SLC22A3: variants seen among roughly 807,000 people sequenced by gnomAD.
The protein encoded by SLC22A3 is EMT organic cation transporter 3.
In SLC22A3, 51 loss-of-function variants were observed where a neutral mutation model predicts 59.1. The observed-to-expected ratio is 0.86, with a 90% CI of 0.69 to 1.09. SLC22A3 has a LOEUF of 1.09. SLC22A3 is among the 50% of genes least tolerant of loss of function. The pLI is 0.00. For missense variants in SLC22A3, 711 were observed against 726.3 expected, an observed-to-expected ratio of 0.98 and a Z score of 0.24; for synonymous variants, 325 against 292.0, an observed-to-expected ratio of 1.11 and a Z score of -1.15.
intron 1 of SLC22A3, among the ~76,000 whole-genome samples, chr6:160,380,721 GT>G (rs1268913636): frequency 2.0e-5 from 3 of 152,112 alleles, no homozygotes; most frequent in African/African-American, 7.2e-5. Flanking sequence ...AAAATTATTT[GT>G]TTTTTAATCA....
At chr6:160,426,005 G>A (rs552787576) in intron 5 of SLC22A3, 341 of 985,370 alleles carry the variant, frequency 3.5e-4, no homozygotes, top group Non-Finnish European at 3.9e-4. Context: ...GCCTTAAGCC[G>A]CACAAAGGAC....
chr6:160,432,548 C>G (rs1260496380), intron 5 of SLC22A3, among the ~76,000 whole-genome samples: 1 of 150,268 alleles, frequency 6.7e-6, no homozygotes, highest in East Asian at 1.9e-4. Context: ...CTGCCTCAGC[C>G]TCCCGAGTAG....
At chr6:160,407,847 A>T (rs974571348) in intron 3 of SLC22A3, among the ~76,000 whole-genome samples, 1 of 152,108 alleles carries the variant, frequency 6.6e-6, no homozygotes, top group Non-Finnish European at 1.5e-5. Context: ...GTAGTGGTGG[A>T]TTTCTGACCA....
chr6:160,356,501 G>A (rs181111206), intron 1 of SLC22A3, among the ~76,000 whole-genome samples: 1 of 152,320 alleles, frequency 6.6e-6, no homozygotes, highest in East Asian at 1.9e-4. Flanking sequence ...AGTAGTCTGT[G>A]TCATCAATCG....
chr6:160,450,217 G>A (rs1788898408), intron 10 of SLC22A3, among the ~76,000 whole-genome samples: 1 of 152,152 alleles, frequency 6.6e-6, no homozygotes, highest in Non-Finnish European at 1.5e-5. Context: ...CTCTCCCAGT[G>A]CGACTGTTTA....
chr6:160,439,658 A>G (rs1392142824), intron 7 of SLC22A3, among the ~76,000 whole-genome samples: 2 of 152,254 alleles, frequency 1.3e-5, no homozygotes, highest in Non-Finnish European at 2.9e-5. Context: ...TTTATTTTAT[A>G]GATATAATTT....
At position 160,408,701 on chromosome 6, in the gene SLC22A3, T is replaced by C. The variant is rs202168711; in HGVS notation, c.689-52T>C. The C allele has an allele frequency of 2.1e-5, 33 of 1,574,064 alleles. No individual in the cohort carries two copies. In the East Asian group the frequency reaches 7.0e-4, roughly 33 times the overall value. ...TAACATCTCTGTATTTGTTTGTTTA[T>C]TTTGGAGCTGACCTTGTGCTTCTGT... On this transcript the variant is annotated intron_variant, in intron 3 of 10. Transcript: ENST00000275300.
chr6:160,443,016 T>C, intron 8 of SLC22A3, 147 bp downstream of exon 8: 1 of 703,056 alleles, frequency 1.4e-6, no homozygotes, highest in East Asian at 2.7e-5. Flanking sequence ...AGATATGCTT[T>C]GAGTTATCAC....
rs549545028 is a variant in SLC22A3, at chr6:160,392,974, G to T, written c.430-5005G>T. On this transcript the variant is annotated intron_variant, in intron 1 of 10. Transcript: ENST00000275300. ...TCAAGCTAAGAGCTGATTAGGAAAGGTTCCATTGACAACTCATCCCTAGAA... is the reference window on the plus strand; with the variant it reads ...TCAAGCTAAGAGCTGATTAGGAAAGTTTCCATTGACAACTCATCCCTAGAA... Among the ~76,000 whole-genome samples the T allele has an allele frequency of 1.6e-4, 25 of 151,976 alleles. No homozygotes were observed. The South Asian group carries it at 4.8e-3, about 29-fold the overall frequency.
intron 1 of SLC22A3, among the ~76,000 whole-genome samples, chr6:160,382,716 G>T (rs111984902): frequency 0.011 from 1,652 of 152,168 alleles, 39 homozygotes; most frequent in African/African-American, 0.037. Context: ...CTCTAAATAG[G>T]CCTCCATGTT....
chr6:160,369,179 G>A (rs987936123), intron 1 of SLC22A3, among the ~76,000 whole-genome samples: 11 of 152,124 alleles, frequency 7.2e-5, no homozygotes. Flanking sequence ...TATTTTTTCA[G>A]TAATGCTCCA....
At chr6:160,417,223 A>G (rs1026998602) in intron 5 of SLC22A3, among the ~76,000 whole-genome samples, 1 of 152,172 alleles carries the variant, frequency 6.6e-6, no homozygotes, top group African/African-American at 2.4e-5. Flanking sequence ...AAGCTTTGAG[A>G]GGCATCATGA....
intron 1 of SLC22A3, among the ~76,000 whole-genome samples, chr6:160,373,995 C>T (rs898978499): frequency 2.6e-5 from 4 of 152,200 alleles, no homozygotes; most frequent in Admixed American, 6.5e-5. Context: ...CTGGCTTCAG[C>T]CCCCTTTCCA....
In SLC22A3 at chr6:160,452,455, C is replaced by G. The variant is rs908419909; in HGVS notation, c.*1399C>G. Reference sequence around the variant, plus strand: ...TGAGACTACATTCACCCTTTATTCACAGTCACTTGCAGTTTTGCTTTTCTC... The same window carrying G: ...TGAGACTACATTCACCCTTTATTCAGAGTCACTTGCAGTTTTGCTTTTCTC... On this transcript the variant is annotated 3_prime_UTR_variant, in exon 11 of 11. Transcript: ENST00000275300. 1 of 152,214 alleles carries G rather than the reference C, an allele frequency of 6.6e-6. No individual in the cohort carries two copies. Among genetic ancestry groups the G allele is most frequent in the African/African-American group, 2.4e-5 (1 of 41,472 alleles). The allele number at this position is 152,214 out of a possible 1,614,324, so 9.4% of individuals were successfully genotyped here.
intron 5 of SLC22A3, among the ~76,000 whole-genome samples, chr6:160,413,679 C>G (rs186594716): frequency 1.0e-3 from 152 of 152,362 alleles, no homozygotes; most frequent in Non-Finnish European, 1.8e-3. Flanking sequence ...CAAGTAATCA[C>G]ACCTTTGATC....
intron 5 of SLC22A3, among the ~76,000 whole-genome samples, chr6:160,421,301 C>A (rs966026763): frequency 1.3e-5 from 2 of 152,204 alleles, no homozygotes; most frequent in Non-Finnish European, 2.9e-5. Context: ...GAGCCAAAGC[C>A]CTTTCCTTTC....
intron 5 of SLC22A3, among the ~76,000 whole-genome samples, chr6:160,419,714 C>A (rs773434144): frequency 6.6e-6 from 1 of 152,200 alleles, no homozygotes; most frequent in Non-Finnish European, 1.5e-5. Flanking sequence ...ATTCTACCAG[C>A]AAAGCCTTCA....
Position 160,451,146 on chromosome 6 carries a change from A to G in SLC22A3, c.*90A>G, listed in dbSNP as rs1328885634. Reference sequence around the variant, plus strand: ...TTGCAGAGATGCACGTGTGCATTTCAGCTACATCATGCCGCGCTGTTGTAA... The same window carrying G: ...TTGCAGAGATGCACGTGTGCATTTCGGCTACATCATGCCGCGCTGTTGTAA... On this transcript the variant is annotated 3_prime_UTR_variant, in exon 11 of 11. Coordinates refer to ENST00000275300, the MANE Select transcript of SLC22A3 (RefSeq NM_021977.4). 1.7e-6 allele frequency: 2 copies of G among 1,173,396 alleles called. No individual in the cohort carries two copies. Among genetic ancestry groups the G allele is most frequent in the Admixed American group, 1.9e-5 (1 of 51,718 alleles). 72.7% of individuals were successfully genotyped at this position (1,173,396 alleles called of 1,614,324 possible). A position where few individuals can be genotyped will look rare whatever the true frequency, so the allele number is the denominator to read the frequency against.
chr6:160,384,410 A>T (rs529928832), intron 1 of SLC22A3, among the ~76,000 whole-genome samples: 3 of 152,202 alleles, frequency 2.0e-5, no homozygotes, highest in Non-Finnish European at 2.9e-5. Context: ...GAATGTGGAT[A>T]TCAGTCCAAA....
Sources: allele counts gnomAD v4.1 joint callset (sites outside exome capture counted in the v4.1 genomes callset), GRCh38; gene constraint gnomAD v4.1.1; transcripts MANE v1.5; gene names NCBI Gene and HGNC (gene_info 2026-07-23, HGNC 2026-07-21).